The following GBF1 variants were observed in gnomAD, a reference collection of about 807,000 sequenced individuals.
GBF1 encodes the protein golgi brefeldin A resistant guanine nucleotide exchange factor 1.
GBF1 carries 114 observed loss-of-function variants against 210.5 expected under a neutral mutation model. That is an observed-to-expected ratio of 0.54 (90% CI 0.47 to 0.63). GBF1 has a LOEUF of 0.63. Among genes scored for constraint, GBF1 ranks in the 30% least tolerant of loss-of-function variants. The pLI is 0.00. For missense variants in GBF1, 1,851 were observed against 2,357.7 expected (o/e 0.79, Z 4.45); for synonymous variants, 850 against 889.2 (o/e 0.96, Z 0.78).
At chr10:102,231,002 C>T in the GBF1 span, 1 of 1,599,914 alleles carries the variant, frequency 6.3e-7, no homozygotes, top group Non-Finnish European at 8.5e-7. Flanking sequence ...TAGGGCGGCA[C>T]CAGCCCCCCG....
In GBF1 at chr10:102,363,201, C is replaced by G; in HGVS notation, c.1877-55C>G. 6.6e-7 allele frequency: 1 copy of G among 1,510,758 alleles called. No homozygotes were observed. Among genetic ancestry groups the G allele is most frequent in the Admixed American group, 1.8e-5 (1 of 55,594 alleles). The allele number at this position is 1,510,758 out of a possible 1,614,324, so 93.6% of individuals were successfully genotyped here. A position where few individuals can be genotyped will look rare whatever the true frequency, so the allele number is the denominator to read the frequency against. ...GCTTGGGATTTGATCTATCCTGCAG[C>G]TCTGCTTGGCTTCATACCCTATAAG... is the stretch of plus-strand genomic sequence containing the variant. On this transcript the variant is annotated intron_variant, in intron 15 of 39. Coordinates refer to ENST00000369983, the MANE Select transcript of GBF1 (RefSeq NM_001377137.1). The surrounding 1 kb of genome is among the most constrained non-coding windows in gnomAD (Gnocchi z 4.2).
intron 3 of GBF1, among the ~76,000 whole-genome samples, chr10:102,325,646 T>TTTTTTG (rs945281059): frequency 3.3e-5 from 5 of 152,014 alleles, no homozygotes; most frequent in Admixed American, 2.0e-4. Flanking sequence ...TACAAAAGTT[T>TTTTTTG]TTTTTGTTTT....
At chr10:102,362,061 T>C in intron 14 of GBF1, 149 bp downstream of exon 14, 17 of 455,382 alleles carry the variant, frequency 3.7e-5, no homozygotes, top group Non-Finnish European at 5.6e-5. Flanking sequence ...TTTTTTTTTT[T>C]TTTTTTTTTT....
chr10:102,235,668 A>G, the GBF1 span, among the ~76,000 whole-genome samples: 1 of 152,306 alleles, frequency 6.6e-6, no homozygotes, highest in East Asian at 1.9e-4. Context: ...AGCACATTCT[A>G]TGAGCTGGGC....
At chr10:102,232,160 A>G in the GBF1 span, 1 of 874,630 alleles carries the variant, frequency 1.1e-6, no homozygotes, top group South Asian at 1.4e-5. Flanking sequence ...AGGTCCCAGC[A>G]GCGTTTCCTC....
chr10:102,282,725 A>G (rs2075609836), intron 3 of GBF1, among the ~76,000 whole-genome samples: 1 of 152,192 alleles, frequency 6.6e-6, no homozygotes, highest in South Asian at 2.1e-4. Context: ...TGCTGAGAGT[A>G]TAGCATGAAC....
At chr10:102,241,539 A>G (rs2070537792), upstream of GBF1, 2 of 152,314 alleles carry the variant, frequency 1.3e-5, no homozygotes, top group Admixed American at 1.3e-4. This position sits in a 1 kb window ranked among gnomAD's most constrained non-coding sequence, Gnocchi z 6.7. Flanking sequence ...CATTCACTTT[A>G]TGGCAGACCA....
chr10:102,246,615 G>A (rs963920042), intron 1 of GBF1, among the ~76,000 whole-genome samples: 1 of 152,116 alleles, frequency 6.6e-6, no homozygotes, highest in African/African-American at 2.4e-5. Context: ...ATGTTTAGTG[G>A]GCAAAAAGAG....
the GBF1 span, among the ~76,000 whole-genome samples, chr10:102,237,633 A>G: frequency 7.9e-4 from 120 of 152,368 alleles, no homozygotes; most frequent in Non-Finnish European, 1.3e-3. Flanking sequence ...ACTAGAAAAC[A>G]GAAGCATGAC....
intron 33 of GBF1, among the ~76,000 whole-genome samples, chr10:102,378,850 C>T (rs2060666984): frequency 6.6e-6 from 1 of 152,036 alleles, no homozygotes; most frequent in African/African-American, 2.4e-5. Flanking sequence ...GGGAGGATCA[C>T]CTGAGCCCAG....
chr10:102,280,408 A>G (rs1161474278), intron 3 of GBF1, among the ~76,000 whole-genome samples: 1 of 152,094 alleles, frequency 6.6e-6, no homozygotes, highest in Admixed American at 6.6e-5. Flanking sequence ...GACTCCTTGG[A>G]TCTGTTTACA....
At chr10:102,354,931 T>C (rs1477263301) in intron 8 of GBF1, among the ~76,000 whole-genome samples, 4 of 137,052 alleles carry the variant, frequency 2.9e-5, no homozygotes, top group Non-Finnish European at 6.4e-5. Context: ...TTTTTTTTTT[T>C]CTTGGTTACC....
At chr10:102,342,777 G>A (rs980178237) in intron 3 of GBF1, among the ~76,000 whole-genome samples, 1 of 152,020 alleles carries the variant, frequency 6.6e-6, no homozygotes, top group Non-Finnish European at 1.5e-5. Context: ...TAGGGAGCTG[G>A]TCTCTGAAAG....
intron 3 of GBF1, among the ~76,000 whole-genome samples, chr10:102,322,294 T>C (rs1352468339): frequency 6.6e-6 from 1 of 152,230 alleles, no homozygotes. Flanking sequence ...TAAATTAGTA[T>C]GGAGAGAATT....
intron 3 of GBF1, among the ~76,000 whole-genome samples, chr10:102,280,517 A>G (rs1025947381): frequency 1.3e-5 from 2 of 152,176 alleles, no homozygotes; most frequent in Non-Finnish European, 2.9e-5. Flanking sequence ...GCTTGCTAGC[A>G]TTAACAGAGT....
chr10:102,235,474 G>A, the GBF1 span, among the ~76,000 whole-genome samples: 1 of 152,010 alleles, frequency 6.6e-6, no homozygotes, highest in Admixed American at 6.6e-5. Flanking sequence ...GTGTGTCCTC[G>A]GCAAGTTACT....
intron 4 of GBF1, among the ~76,000 whole-genome samples, chr10:102,346,275 C>T (rs774385182): frequency 2.0e-5 from 3 of 152,072 alleles, no homozygotes; most frequent in African/African-American, 7.2e-5. Flanking sequence ...GCCACCATGC[C>T]CGGCCCCTTA....
Position 102,245,842 on chromosome 10 carries a change from G to A in GBF1, c.-11+61G>A, listed in dbSNP as rs745998193. On this transcript the variant is annotated intron_variant, in intron 1 of 39. Transcript: ENST00000369983. ...GAAGGCCGCCCTGACATCGCAATAG[G>A]GAATTAGTGGGAAGGGCCCTTAAAT... 70 of 152,202 alleles carry A rather than the reference G, an allele frequency of 4.6e-4. 1 individual carries two copies. Among genetic ancestry groups the A allele is most frequent in the Admixed American group, 6.5e-5 (1 of 15,272 alleles). 9.4% of individuals were successfully genotyped at this position (152,202 alleles called of 1,614,324 possible).
Position 102,298,709 on chromosome 10 carries a change from AG to A in GBF1, c.163+38595del, listed in dbSNP as rs1298352459. Among the ~76,000 whole-genome samples, 5 of 152,318 alleles carry A rather than the reference AG, an allele frequency of 3.3e-5. No individual in the cohort carries two copies. The East Asian group carries it at 7.7e-4, about 23-fold the overall frequency. ...TAATATTATCCCCATTGTATAGAAG[AG>A]GAAACAGAGGTTCCAAAAAGTGAAG... On this transcript the variant is annotated intron_variant, in intron 3 of 39. Coordinates refer to ENST00000369983, the MANE Select transcript of GBF1 (RefSeq NM_001377137.1).
Sources: gnomAD v4.1 joint callset for allele counts (sites outside exome capture counted in the v4.1 genomes callset) on GRCh38, gnomAD v4.1.1 for gene constraint, Gnocchi (gnomAD v3.1) non-coding constraint, MANE v1.5 for transcripts, NCBI Gene and HGNC (gene_info 2026-07-23, HGNC 2026-07-21) for gene names.